Variants in DSP observed in about 807,000 individuals in gnomAD.
DSP encodes 250/210 kDa paraneoplastic pemphigus antigen.
DSP carries 114 observed loss-of-function variants against 290.6 expected under a neutral mutation model. The observed-to-expected ratio is 0.39, with a 90% CI of 0.34 to 0.46. The LOEUF (loss-of-function observed/expected upper bound fraction) is 0.46. Among genes scored for constraint, DSP ranks in the 20% least tolerant of loss-of-function variants. The pLI is 0.99. For synonymous variants in DSP, 1,311 were observed against 1,316.4 expected (o/e 1.00, Z 0.09); for missense variants, 3,230 against 3,495.8 (o/e 0.92, Z 1.92).
intron 16 of DSP, 147 bp from the exon 17 acceptor site, chr6:7,574,510 G>C (rs960727345): frequency 8.5e-7 from 1 of 1,174,064 alleles, no homozygotes; most frequent in South Asian, 1.3e-5. Context: ...CAAAATGTTG[G>C]TCTGAATCAC....
chr6:7,548,844 TTTTG>T (rs1481844502), intron 1 of DSP, among the ~76,000 whole-genome samples: 1 of 152,216 alleles, frequency 6.6e-6, no homozygotes, highest in East Asian at 1.9e-4. Flanking sequence ...CAGATGGGTC[TTTTG>T]TTTGCCTTTG....
At position 7,559,417 on chromosome 6, in the gene DSP, A is replaced by G. The variant is rs779437301; in HGVS notation, c.597+17A>G. 18 of 1,612,178 alleles carry G rather than the reference A, an allele frequency of 1.1e-5. No individual in the cohort carries two copies. Among genetic ancestry groups the G allele is most frequent in the Non-Finnish European group, 1.5e-5 (18 of 1,179,930 alleles). ...CAGCAAAGGGTAAGCAGCTTCTTGA[A>G]CAGCCCAAACCTGTGCAGGCCAGAC... On this transcript the variant is annotated intron_variant, in intron 4 of 23. Coordinates refer to ENST00000379802, the MANE Select transcript of DSP (RefSeq NM_004415.4).
Position 7,562,637 on chromosome 6 carries a change from G to C in DSP, c.598-15G>C. On this transcript the variant is annotated splice_polypyrimidine_tract_variant and intron_variant, in intron 4 of 23. Transcript: ENST00000379802. ...GCAACAACAAAGGGCGCCTCTCTTT[G>C]TCTTTGTGTCGCAGGCGGAGATGGA... is the stretch of plus-strand genomic sequence containing the variant. 6.2e-7 allele frequency: 1 copy of C among 1,614,058 alleles called. No homozygotes were observed. The highest frequency in any genetic ancestry group is 8.5e-7 in the Non-Finnish European group (1 of 1,179,956).
rs2113674432 is a variant in DSP, at chr6:7,568,570, G to A, written c.1400G>A (p.Cys467Tyr). 6.2e-7 allele frequency: 1 copy of A among 1,613,918 alleles called. No homozygotes were observed. Among genetic ancestry groups the A allele is most frequent in the East Asian group, 2.2e-5 (1 of 44,888 alleles). The change falls in exon 11 of 24, where the codon TGT becomes TAT. Residue 467 changes from cysteine to tyrosine, a missense_variant. This residue lies in a region of DSP where 646 missense variants were observed against 684.3 expected (regional missense o/e 0.94). Coordinates refer to ENST00000379802, the MANE Select transcript of DSP (RefSeq NM_004415.4). Reference protein sequence around the residue: ...SNKPIILRALCDYKQDQKIVH... With the variant: ...SNKPIILRALYDYKQDQKIVH... ...AAACCCATTATTCTCAGAGCTCTCTGTGACTACAAACAAGATCAGGTGTGT... is the reference window on the plus strand; with the variant it reads ...AAACCCATTATTCTCAGAGCTCTCTATGACTACAAACAAGATCAGGTGTGT...
chr6:7,544,264 G>A (rs1369042967), intron 1 of DSP, among the ~76,000 whole-genome samples: 1 of 152,118 alleles, frequency 6.6e-6, no homozygotes, highest in Admixed American at 6.5e-5. Context: ...TCAAATAATA[G>A]CGACCGCCTG....
chr6:7,548,647 G>C (rs1324770996), intron 1 of DSP, among the ~76,000 whole-genome samples: 2 of 152,190 alleles, frequency 1.3e-5, no homozygotes, highest in East Asian at 1.9e-4. Flanking sequence ...ACTTTTATTA[G>C]AGTACTGTTT....
At chr6:7,554,081 A>AC (rs1758420768) in intron 1 of DSP, among the ~76,000 whole-genome samples, 3 of 140,228 alleles carry the variant, frequency 2.1e-5, no homozygotes, top group African/African-American at 5.3e-5. Context: ...TCTTTCTTTA[A>AC]AACACACACA....
chr6:7,556,203 A>AT (rs900301035), intron 2 of DSP, among the ~76,000 whole-genome samples: 101 of 150,212 alleles, frequency 6.7e-4, no homozygotes, highest in Middle Eastern at 3.5e-3. Flanking sequence ...ATTTAGTATG[A>AT]TTTTTTTTTT....
At chr6:7,567,615 C>G (rs1423709960) in intron 9 of DSP, among the ~76,000 whole-genome samples, 166 bp downstream of exon 9, 1 of 152,200 alleles carries the variant, frequency 6.6e-6, no homozygotes. Context: ...ATCAGTCCTA[C>G]AAATAGTTTC....
chr6:7,583,950 C>A lies in DSP; in HGVS notation c.6688C>A (p.Pro2230Thr). ...TELVDSGILR[P>T]STVNELESGQ... The stretch of plus-strand genomic sequence containing the variant: ...GCTAGTAGATTCTGGTATATTGAGA[C>A]CGTCCACTGTCAATGAACTGGAATC... The change falls in exon 24 of 24, where the codon CCG (proline) becomes ACG (threonine). Residue 2230 changes from proline (P) to threonine (T), a missense_variant. Coordinates refer to ENST00000379802, the MANE Select transcript of DSP (RefSeq NM_004415.4). This position sits in a 1 kb window ranked among gnomAD's most constrained non-coding sequence, Gnocchi z 4.0. 1 of 1,614,150 alleles carries A rather than the reference C, an allele frequency of 6.2e-7. No individual in the cohort carries two copies.
intron 3 of DSP, among the ~76,000 whole-genome samples, chr6:7,558,608 G>T (rs527374960): frequency 1.3e-5 from 2 of 148,550 alleles, no homozygotes; most frequent in Non-Finnish European, 1.5e-5. Context: ...TCAACCTCCT[G>T]GGCTCAAGCA....
rs1355395147 is a variant in DSP at position 7,579,736 on chromosome 6, C to T, written c.3546C>T (p.Gly1182=). 1.9e-6 allele frequency: 3 copies of T among 1,613,416 alleles called. No homozygotes were observed. Among genetic ancestry groups the T allele is most frequent in the African/African-American group, 2.7e-5 (2 of 74,800 alleles). Residue 1182 remains glycine, a synonymous_variant, in exon 23 of 24, where the codon GGC becomes GGT. Transcript: ENST00000379802. The surrounding 1 kb of genome is among the most constrained non-coding windows in gnomAD (Gnocchi z 4.1). The part of the protein sequence containing the change: ...ERLRVLLQEE[G]TRKREYENEL... ...TGAGGGTTCTACTGCAGGAAGAAGG[C>T]ACCCGGAAGAGAGAATATGAAAATG...
At position 7,583,872 on chromosome 6, in the gene DSP, C is replaced by T. The variant is rs876657798; in HGVS notation, c.6610C>T (p.Gln2204Ter). 2 of 1,614,114 alleles carry T rather than the reference C, an allele frequency of 1.2e-6. No individual in the cohort carries two copies. The highest frequency in any genetic ancestry group is 1.7e-6 in the Non-Finnish European group (2 of 1,180,016). ...TACTGGTCTGCTCTTGCTTTCAGTA[C>T]AGAAGAGAAGCATGTCCTTCCAAGG... is the stretch of plus-strand genomic sequence containing the variant. ...PHTGLLLLSV[Q>*]KRSMSFQGIR... Residue 2204 changes from glutamine to a stop codon, truncating the protein, a stop_gained, in exon 24 of 24, where the codon CAG becomes TAG. Transcript: ENST00000379802. LOFTEE classifies it high-confidence loss of function. This position sits in a 1 kb window ranked among gnomAD's most constrained non-coding sequence, Gnocchi z 4.0.
intron 1 of DSP, among the ~76,000 whole-genome samples, chr6:7,552,691 G>GTTTT: frequency 6.7e-6 from 1 of 150,026 alleles, no homozygotes; most frequent in African/African-American, 2.5e-5. Flanking sequence ...TTCAAATATG[G>GTTTT]GTAGGCAAGG....
At position 7,571,822 on chromosome 6, in the gene DSP, G is replaced by T. The variant is rs1449948290; in HGVS notation, c.1904-20G>T. The T allele has an allele frequency of 1.2e-6, 2 of 1,609,108 alleles. No individual in the cohort carries two copies. Among genetic ancestry groups the T allele is most frequent in the African/African-American group, 2.7e-5 (2 of 74,844 alleles). On this transcript the variant is annotated intron_variant, in intron 14 of 23. Coordinates refer to ENST00000379802, the MANE Select transcript of DSP (RefSeq NM_004415.4). ...ACCTAGGTATTCTCTGATTTTTGTG[G>T]CCCTAACTTCTTTTTACAGTGACCA...
At chr6:7,561,782 G>A (rs1561683013) in intron 4 of DSP, among the ~76,000 whole-genome samples, 1 of 152,190 alleles carries the variant, frequency 6.6e-6, no homozygotes, top group Non-Finnish European at 1.5e-5. Flanking sequence ...TTAGAACAAT[G>A]TGTTTTATGT....
Position 7,565,760 on chromosome 6 carries a change from G to A in DSP, c.939+240G>A, listed in dbSNP as rs1018124293. On this transcript the variant is annotated intron_variant, in intron 7 of 23. Coordinates refer to ENST00000379802, the MANE Select transcript of DSP (RefSeq NM_004415.4). This position sits in a 1 kb window ranked among gnomAD's most constrained non-coding sequence, Gnocchi z 4.2. ...ACCACATGTTCTCACTTAGGAGTGGGAACTAAATGATGAGAATACATGGAT... is the reference window on the plus strand; with the variant it reads ...ACCACATGTTCTCACTTAGGAGTGGAAACTAAATGATGAGAATACATGGAT... 4 of 520,812 alleles carry A rather than the reference G, an allele frequency of 7.7e-6. No individual in the cohort carries two copies. The highest frequency in any genetic ancestry group is 1.4e-5 in the Non-Finnish European group (4 of 288,736). The allele number at this position is 520,812 out of a possible 1,614,324, so 32.3% of individuals were successfully genotyped here.
At chr6:7,573,692 T>C (rs955712435) in intron 15 of DSP, among the ~76,000 whole-genome samples, 3 of 152,212 alleles carry the variant, frequency 2.0e-5, no homozygotes, top group South Asian at 4.2e-4. Context: ...ATTTCACTTA[T>C]GTGTAAATTC....
At chr6:7,542,945 G>T (rs1391641532) in intron 1 of DSP, among the ~76,000 whole-genome samples, 1 of 152,194 alleles carries the variant, frequency 6.6e-6, no homozygotes, top group Non-Finnish European at 1.5e-5. Context: ...GGGAGTGGGG[G>T]GGTGGGAGAG....
Sources: gnomAD v4.1 joint callset for allele counts (sites outside exome capture counted in the v4.1 genomes callset) on GRCh38, gnomAD v4.1.1 for gene constraint, gnomAD v4.1.1 regional missense constraint, Gnocchi (gnomAD v3.1) non-coding constraint, MANE v1.5 for transcripts, NCBI Gene and HGNC (gene_info 2026-07-23, HGNC 2026-07-21) for gene names.